PYCR2: variants seen among roughly 807,000 people sequenced by gnomAD.
PYCR2 encodes P5C reductase 2.
In PYCR2, 17 loss-of-function variants were observed where a neutral mutation model predicts 23.4. The observed-to-expected ratio is 0.73, with a 90% CI of 0.50 to 1.09. PYCR2 has a LOEUF of 1.09. PYCR2 is among the 50% of genes least tolerant of loss of function. The probability of loss-of-function intolerance (pLI) is 0.00; values close to 1 mark genes in which losing one functional copy is unlikely to be tolerated. For missense variants in PYCR2, 380 were observed against 423.5 expected, an observed-to-expected ratio of 0.90 and a Z score of 0.90; for synonymous variants, 172 against 176.6, an observed-to-expected ratio of 0.97 and a Z score of 0.21.
rs1386118820 is a variant in PYCR2, at chr1:225,921,681, C to A, written c.541-37G>T. Reference sequence around the variant, plus strand: ...CTCACTAAGCCCCAGGCCATAGGCACTGAAGGGCCTTTCCTTAGGTCTGCT... The same window carrying A: ...CTCACTAAGCCCCAGGCCATAGGCAATGAAGGGCCTTTCCTTAGGTCTGCT... On this transcript the variant is annotated intron_variant, in intron 4 of 6. Coordinates refer to ENST00000343818, the MANE Select transcript of PYCR2 (RefSeq NM_013328.4). This position sits in a 1 kb window ranked among gnomAD's most constrained non-coding sequence, Gnocchi z 4.2. 1 of 1,609,072 alleles carries A rather than the reference C, an allele frequency of 6.2e-7. No individual in the cohort carries two copies. The highest frequency in any genetic ancestry group is 1.7e-5 in the Admixed American group (1 of 60,018).
At chr1:225,922,795 C>T in intron 2 of PYCR2, 1 of 218,022 alleles carries the variant, frequency 4.6e-6, no homozygotes, top group Non-Finnish European at 8.8e-6. Flanking sequence ...CGCACAGTCT[C>T]CATGTGGTCC....
Position 225,920,500 on chromosome 1 carries a change from C to T in PYCR2, c.918G>A (p.Gly306=), listed in dbSNP as rs73131849. The T allele has an allele frequency of 0.16, 245,564 of 1,512,040 alleles. 22,008 individuals are homozygous for T. Among genetic ancestry groups the T allele is most frequent in the African/African-American group, 0.29 (20,478 of 71,466 alleles). 93.7% of individuals were successfully genotyped at this position (1,512,040 alleles called of 1,614,324 possible). ...GGGCCAGGCTTCTTGTGAGGAGCTT[C>T]CCTGGGCTGGAGGGGGTCAGTGTGG... ...TVSTLTPSSP[G]KLLTRSLALG... Residue 306 remains glycine (G), a synonymous_variant, in exon 7 of 7, where the codon GGG becomes GGA. Coordinates refer to ENST00000343818, the MANE Select transcript of PYCR2 (RefSeq NM_013328.4).
chr1:225,921,288 G>A lies in PYCR2; in HGVS notation c.717C>T (p.Ile239=), dbSNP rs1479128492. 6.8e-6 allele frequency: 11 copies of A among 1,609,972 alleles called. No individual in the cohort carries two copies. Among genetic ancestry groups the A allele is most frequent in the Non-Finnish European group, 9.4e-6 (11 of 1,176,284 alleles). Residue 239 remains isoleucine (I), a synonymous_variant, in exon 6 of 7, where the codon ATC becomes ATT. Transcript: ENST00000343818. The surrounding 1 kb of genome is among the most constrained non-coding windows in gnomAD (Gnocchi z 4.2). The part of the protein sequence containing the change: ...DNVCSPGGAT[I]HALHFLESGG... ...CACTCTCTAGAAAGTGCAGGGCGTG[G>A]ATGGTGGCTCCCCCAGGGGAGCAGA...
intron 2 of PYCR2, 172 bp downstream of exon 2, chr1:225,923,529 A>G: frequency 6.9e-7 from 1 of 1,454,210 alleles, no homozygotes; most frequent in South Asian, 1.4e-5. Context: ...GGGTGTTCCC[A>G]CCACATTGAG....
At position 225,920,592 on chromosome 1, in the gene PYCR2, T is replaced by C; in HGVS notation, c.826A>G (p.Lys276Glu). The C allele has an allele frequency of 6.2e-7, 1 of 1,613,678 alleles. No individual in the cohort carries two copies. ...RELQSMADQE[K>E]ISPAALKKTL... ...TTCTTAAGGGCAGCTGGGGAGATCT[T>C]TTCTTGGTCGGCCATGGACTGTAGC... The change falls in exon 7 of 7, where the codon AAG becomes GAG. Residue 276 changes from lysine (K) to glutamate (E), a missense_variant. By Grantham distance (56) the Lys-to-Glu change is moderately conservative. Transcript: ENST00000343818.
intron 1 of PYCR2, 58 bp downstream of exon 1, chr1:225,923,986 A>G: frequency 1.3e-6 from 2 of 1,525,158 alleles, no homozygotes; most frequent in Non-Finnish European, 8.8e-7. Context: ...GGTGGGACGG[A>G]GGCCCCCTCG....
Position 225,921,418 on chromosome 1 carries a change from A to G in PYCR2, c.634-47T>C, listed in dbSNP as rs112688738. 1.3e-6 allele frequency: 2 copies of G among 1,524,582 alleles called. No individual in the cohort carries two copies. The highest frequency in any genetic ancestry group is 9.0e-7 in the Non-Finnish European group (1 of 1,105,164). The allele number at this position is 1,524,582 out of a possible 1,614,324, so 94.4% of individuals were successfully genotyped here. Reference sequence around the variant, plus strand: ...GAGAAAGTTGCTGGTGTGCGTTGGAACAGGCTTCCCATACCCACTGCTCCT... The same window carrying G: ...GAGAAAGTTGCTGGTGTGCGTTGGAGCAGGCTTCCCATACCCACTGCTCCT... On this transcript the variant is annotated intron_variant, in intron 5 of 6. Coordinates refer to ENST00000343818, the MANE Select transcript of PYCR2 (RefSeq NM_013328.4). The surrounding 1 kb of genome is among the most constrained non-coding windows in gnomAD (Gnocchi z 4.2).
In PYCR2 at chr1:225,921,338, G is replaced by A; in HGVS notation, c.667C>T (p.His223Tyr). Reference protein sequence around the residue: ...AAKMLLDSEQHPCQLKDNVCS... With the variant: ...AAKMLLDSEQYPCQLKDNVCS... ...ACATTGTCCTTAAGCTGGCATGGAT[G>A]CTGCTCCGAGTCCAGCAGCATCTTG... The change falls in exon 6 of 7, where the codon CAT becomes TAT. Residue 223 changes from histidine (H) to tyrosine (Y), a missense_variant. Coordinates refer to ENST00000343818, the MANE Select transcript of PYCR2 (RefSeq NM_013328.4). This position sits in a 1 kb window ranked among gnomAD's most constrained non-coding sequence, Gnocchi z 4.2. 8 of 1,557,652 alleles carry A rather than the reference G, an allele frequency of 5.1e-6. No homozygotes were observed. Among genetic ancestry groups the A allele is most frequent in the Non-Finnish European group, 6.2e-6 (7 of 1,128,914 alleles).
chr1:225,922,575 C>A (rs775997936), intron 2 of PYCR2, 192 bp from the exon 3 acceptor site: 22 of 612,128 alleles, frequency 3.6e-5, no homozygotes, highest in Non-Finnish European at 6.2e-5. Context: ...CAAGTAAGCA[C>A]AGGCTTGGAG....
chr1:225,923,688 C>G lies in PYCR2; in HGVS notation c.138+13G>C, dbSNP rs1026250052. On this transcript the variant is annotated intron_variant, in intron 2 of 6. Coordinates refer to ENST00000343818, the MANE Select transcript of PYCR2 (RefSeq NM_013328.4). ...GCCTCCACCCGCTTCCCACTCCGCC[C>G]GGCTCCACCTACCCTGAGCGCGGAC... 1 of 1,613,854 alleles carries G rather than the reference C, an allele frequency of 6.2e-7. No individual in the cohort carries two copies. Among genetic ancestry groups the G allele is most frequent in the East Asian group, 2.2e-5 (1 of 44,884 alleles).
chr1:225,923,693 C>T lies in PYCR2; in HGVS notation c.138+8G>A, dbSNP rs1671911101. The T allele has an allele frequency of 6.2e-7, 1 of 1,613,974 alleles. No individual in the cohort carries two copies. The highest frequency in any genetic ancestry group is 1.1e-5 in the South Asian group (1 of 91,076). ...CACCCGCTTCCCACTCCGCCCGGCT[C>T]CACCTACCCTGAGCGCGGACACCGT... On this transcript the variant is annotated splice_region_variant and intron_variant, in intron 2 of 6. Transcript: ENST00000343818.
chr1:225,922,113 G>C (rs370377407), intron 3 of PYCR2, 34 bp from the exon 4 acceptor site: 1 of 1,609,132 alleles, frequency 6.2e-7, no homozygotes, highest in Non-Finnish European at 8.5e-7. Context: ...TGAGTGGCCA[G>C]GGCACGGCTC....
chr1:225,923,846 A>C (rs1576149143), intron 1 of PYCR2, 75 bp from the exon 2 acceptor site: 1 of 1,598,438 alleles, frequency 6.3e-7, no homozygotes, highest in East Asian at 2.3e-5. Flanking sequence ...TCTAAAACCC[A>C]GAGCCGTCCT....
In PYCR2 at chr1:225,924,187, G is replaced by C; in HGVS notation, c.-77C>G. ...CCGGAAGTAACGCTAGGGGAAGGGCGGACAGCGCAGGGGCGAACGGGCGGC... is the reference window on the plus strand; with the variant it reads ...CCGGAAGTAACGCTAGGGGAAGGGCCGACAGCGCAGGGGCGAACGGGCGGC... On this transcript the variant is annotated 5_prime_UTR_variant, in exon 1 of 7. Coordinates refer to ENST00000343818, the MANE Select transcript of PYCR2 (RefSeq NM_013328.4). The C allele has an allele frequency of 6.9e-7, 1 of 1,458,534 alleles. No homozygotes were observed. The highest frequency in any genetic ancestry group is 9.2e-7 in the Non-Finnish European group (1 of 1,092,052). The allele number at this position is 1,458,534 out of a possible 1,614,324, so 90.3% of individuals were successfully genotyped here. A position where few individuals can be genotyped will look rare whatever the true frequency, so the allele number is the denominator to read the frequency against.
intron 2 of PYCR2, 108 bp downstream of exon 2, chr1:225,923,593 C>G: frequency 6.3e-7 from 1 of 1,584,626 alleles, no homozygotes; most frequent in East Asian, 2.3e-5. Flanking sequence ...AGGTCACCGC[C>G]GGCCAAAGAC....
In PYCR2 at chr1:225,921,988, G is replaced by A. The variant is rs763343748; in HGVS notation, c.410C>T (p.Thr137Met). ...VVQEGATVYA[T>M]GTHALVEDGQ... ...ATCCTCCACCAGGGCATGGGTGCCC[G>A]TGGCGTACACTGTAGCGCCTTCCTG... The change falls in exon 4 of 7, where the codon ACG becomes ATG. Residue 137 changes from threonine to methionine, a missense_variant. By Grantham distance (81) the Thr-to-Met change is moderately conservative. Transcript: ENST00000343818. The surrounding 1 kb of genome is among the most constrained non-coding windows in gnomAD (Gnocchi z 4.2). 1.1e-5 allele frequency: 18 copies of A among 1,614,052 alleles called. No homozygotes were observed. Among genetic ancestry groups the A allele is most frequent in the South Asian group, 5.5e-5 (5 of 91,074 alleles).
Position 225,919,937 on chromosome 1 carries a change from A to C in PYCR2, c.*518T>G, listed in dbSNP as rs1671795098. The C allele has an allele frequency of 6.6e-6, 1 of 152,306 alleles. No individual in the cohort carries two copies. The highest frequency in any genetic ancestry group is 1.5e-5 in the Non-Finnish European group (1 of 68,090). The allele number at this position is 152,306 out of a possible 1,614,324, so 9.4% of individuals were successfully genotyped here. A position where few individuals can be genotyped will look rare whatever the true frequency, so the allele number is the denominator to read the frequency against. On this transcript the variant is annotated 3_prime_UTR_variant, in exon 7 of 7. Coordinates refer to ENST00000343818, the MANE Select transcript of PYCR2 (RefSeq NM_013328.4). ...ACTTAGCATTAAATAACACTCTTTAAATGGTACACCTATGAAGCAAGAGTT... is the reference window on the plus strand; with the variant it reads ...ACTTAGCATTAAATAACACTCTTTACATGGTACACCTATGAAGCAAGAGTT...
chr1:225,921,659 A>C lies in PYCR2; in HGVS notation c.541-15T>G, dbSNP rs758641348. 6.2e-7 allele frequency: 1 copy of C among 1,613,938 alleles called. No homozygotes were observed. Among genetic ancestry groups the C allele is most frequent in the South Asian group, 1.1e-5 (1 of 91,078 alleles). On this transcript the variant is annotated splice_polypyrimidine_tract_variant and intron_variant, in intron 4 of 6. Coordinates refer to ENST00000343818, the MANE Select transcript of PYCR2 (RefSeq NM_013328.4). This position sits in a 1 kb window ranked among gnomAD's most constrained non-coding sequence, Gnocchi z 4.2. ...GCCATGAATGCCTGTGGAGACACTCACTAAGCCCCAGGCCATAGGCACTGA... is the reference window on the plus strand; with the variant it reads ...GCCATGAATGCCTGTGGAGACACTCCCTAAGCCCCAGGCCATAGGCACTGA...
intron 1 of PYCR2, 129 bp from the exon 2 acceptor site, chr1:225,923,900 A>G: frequency 6.7e-7 from 1 of 1,485,564 alleles, no homozygotes; most frequent in Non-Finnish European, 9.1e-7. Context: ...CTACGAGGAC[A>G]GAAGACGCAC....
Sources: allele counts gnomAD v4.1 joint callset, GRCh38; gene constraint gnomAD v4.1.1; non-coding constraint Gnocchi (gnomAD v3.1); transcripts MANE v1.5; gene names NCBI Gene and HGNC (gene_info 2026-07-23, HGNC 2026-07-21).